ATP9A: variants seen among roughly 807,000 people sequenced by gnomAD.
ATP9A encodes ATPase phospholipid transporting 9A.
In ATP9A, 52 loss-of-function variants were observed where a neutral mutation model predicts 144.1. The ratio of observed to expected loss-of-function variants is 0.36; its 90% CI spans 0.29 to 0.45. The LOEUF is 0.45. Ranked by LOEUF, ATP9A falls within the 20% of genes least tolerant of loss-of-function variation. The pLI is 1.00. For synonymous variants in ATP9A, 582 were observed against 557.4 expected, an observed-to-expected ratio of 1.04 and a Z score of -0.62; for missense variants, 947 against 1,392.7, an observed-to-expected ratio of 0.68 and a Z score of 5.09.
intron 4 of ATP9A, among the ~76,000 whole-genome samples, chr20:51,707,212 T>G (rs1340788400): frequency 2.6e-5 from 4 of 152,150 alleles, no homozygotes; most frequent in African/African-American, 7.2e-5. Flanking sequence ...TTGAGATTCT[T>G]AATAATTTCT....
At chr20:51,608,759 T>TG (rs1254026058) in intron 24 of ATP9A, 133 bp from the exon 25 acceptor site, 3 of 645,778 alleles carry the variant, frequency 4.6e-6, no homozygotes, top group African/African-American at 1.8e-5. Flanking sequence ...GCTCCGGGGC[T>TG]GGCTGTAAGC....
intron 1 of ATP9A, among the ~76,000 whole-genome samples, chr20:51,749,730 G>C (rs2077823556): frequency 6.6e-6 from 1 of 152,112 alleles, no homozygotes; most frequent in Non-Finnish European, 1.5e-5. Context: ...TGGCTGCCTG[G>C]GGAAGGGTAC....
chr20:51,685,241 CAT>C (rs1287862118), intron 9 of ATP9A, among the ~76,000 whole-genome samples: 2 of 152,060 alleles, frequency 1.3e-5, no homozygotes, highest in East Asian at 3.9e-4. Flanking sequence ...TGAATCGAAA[CAT>C]AAAATGTATA....
chr20:51,750,306 C>T (rs2077825935), intron 1 of ATP9A, among the ~76,000 whole-genome samples: 1 of 152,170 alleles, frequency 6.6e-6, no homozygotes, highest in African/African-American at 2.4e-5. Flanking sequence ...CACAAACGTG[C>T]TCCGTCACTA....
At chr20:51,724,151 A>G (rs1004842071) in intron 3 of ATP9A, among the ~76,000 whole-genome samples, 3 of 152,036 alleles carry the variant, frequency 2.0e-5, no homozygotes, top group African/African-American at 7.3e-5. Flanking sequence ...AACCTGGGCA[A>G]TAAGAGCGAA....
chr20:51,687,763 CA>C (rs201342511), intron 9 of ATP9A, among the ~76,000 whole-genome samples: 34,772 of 129,750 alleles, frequency 0.27, 4,770 homozygotes, highest in East Asian at 0.53. Context: ...GACCCTGTCT[CA>C]AAAAAAAAAA....
At chr20:51,697,657 C>T (rs1478137605) in intron 4 of ATP9A, among the ~76,000 whole-genome samples, 175 bp from the exon 5 acceptor site, 2 of 152,150 alleles carry the variant, frequency 1.3e-5, no homozygotes, top group African/African-American at 4.8e-5. Flanking sequence ...AGGGTTCAAC[C>T]GCTACAGAGG....
Position 51,601,108 on chromosome 20 carries a change from C to T in ATP9A, c.*103G>A, listed in dbSNP as rs1403176963. 1.4e-6 allele frequency: 2 copies of T among 1,383,540 alleles called. No individual in the cohort carries two copies. The highest frequency in any genetic ancestry group is 1.9e-6 in the Non-Finnish European group (2 of 1,029,292). 85.7% of individuals were successfully genotyped at this position (1,383,540 alleles called of 1,614,324 possible). A position where few individuals can be genotyped will look rare whatever the true frequency, so the allele number is the denominator to read the frequency against. Reference sequence around the variant, plus strand: ...TTCCCATTAAAACTGCATGTGTTAGCAATTACTGCAAAATCCACAGGTGGC... The same window carrying T: ...TTCCCATTAAAACTGCATGTGTTAGTAATTACTGCAAAATCCACAGGTGGC... On this transcript the variant is annotated 3_prime_UTR_variant, in exon 28 of 28. Coordinates refer to ENST00000338821, the MANE Select transcript of ATP9A (RefSeq NM_006045.3).
intron 9 of ATP9A, among the ~76,000 whole-genome samples, chr20:51,683,304 G>A (rs1181318324): frequency 3.3e-5 from 5 of 151,632 alleles, no homozygotes; most frequent in African/African-American, 7.3e-5. Flanking sequence ...TCGCTCTGTC[G>A]CCCAGGCTGG....
Position 51,639,400 on chromosome 20 carries a change from G to A in ATP9A, c.1611C>T (p.Thr537=). ...AGGTGAAAGGGAAGATCTGTAGGATGGTGAAGTTCAGGATCTGGTCGCCAG... is the reference window on the plus strand; with the variant it reads ...AGGTGAAAGGGAAGATCTGTAGGATAGTGAAGTTCAGGATCTGGTCGCCAG... ...RTPGDQILNF[T]ILQIFPFTYE... The change falls in exon 15 of 28, where the codon ACC becomes ACT. Residue 537 remains threonine (T), a synonymous_variant. Coordinates refer to ENST00000338821, the MANE Select transcript of ATP9A (RefSeq NM_006045.3). The A allele has an allele frequency of 6.2e-7, 1 of 1,614,106 alleles. No individual in the cohort carries two copies. The highest frequency in any genetic ancestry group is 8.5e-7 in the Non-Finnish European group (1 of 1,179,994).
chr20:51,673,384 A>G (rs2077464230), intron 11 of ATP9A, among the ~76,000 whole-genome samples: 1 of 152,136 alleles, frequency 6.6e-6, no homozygotes, highest in African/African-American at 2.4e-5. Flanking sequence ...AAAAATAAAT[A>G]AATAAATAAA....
chr20:51,687,567 C>A (rs918710168), intron 9 of ATP9A, among the ~76,000 whole-genome samples: 1 of 152,090 alleles, frequency 6.6e-6, no homozygotes, highest in Non-Finnish European at 1.5e-5. Flanking sequence ...AGTTTGAGAC[C>A]AGCCTGGGCA....
chr20:51,658,824 C>G (rs908264142), intron 13 of ATP9A, among the ~76,000 whole-genome samples: 6 of 139,468 alleles, frequency 4.3e-5, no homozygotes, highest in Non-Finnish European at 9.0e-5. Context: ...CCGACCCCCA[C>G]CTAGGCTTCC....
At position 51,768,385 on chromosome 20, in the gene ATP9A, C is replaced by T; in HGVS notation, c.-16G>A. 1 of 1,126,424 alleles carries T rather than the reference C, an allele frequency of 8.9e-7. No homozygotes were observed. The highest frequency in any genetic ancestry group is 1.1e-6 in the Non-Finnish European group (1 of 919,910). The allele number at this position is 1,126,424 out of a possible 1,614,324, so 69.8% of individuals were successfully genotyped here. A position where few individuals can be genotyped will look rare whatever the true frequency, so the allele number is the denominator to read the frequency against. On this transcript the variant is annotated 5_prime_UTR_variant, in exon 1 of 28. Coordinates refer to ENST00000338821, the MANE Select transcript of ATP9A (RefSeq NM_006045.3). ...TGTCCGTCATGTCGGCGGCGCCGCC[C>T]GCCTTGGCCGCCGCGCCCCCCGCGC...
intron 11 of ATP9A, among the ~76,000 whole-genome samples, chr20:51,672,783 A>G (rs2077461515): frequency 6.6e-6 from 1 of 152,184 alleles, no homozygotes; most frequent in Non-Finnish European, 1.5e-5. Flanking sequence ...ACAGAACAAT[A>G]TGGGGGAAAG....
intron 12 of ATP9A, 119 bp downstream of exon 12, chr20:51,670,996 A>G: frequency 2.7e-6 from 3 of 1,119,814 alleles, no homozygotes; most frequent in Non-Finnish European, 3.8e-6. Flanking sequence ...GATGAAGGGA[A>G]TAAAATAGCA....
chr20:51,655,881 G>A (rs765458000), intron 14 of ATP9A, among the ~76,000 whole-genome samples: 27 of 151,886 alleles, frequency 1.8e-4, no homozygotes, highest in Non-Finnish European at 2.8e-4. Context: ...AAATCCAAAT[G>A]TGCATTAATT....
intron 1 of ATP9A, among the ~76,000 whole-genome samples, chr20:51,751,744 C>A (rs1012433110): frequency 6.6e-6 from 1 of 152,128 alleles, no homozygotes; most frequent in South Asian, 2.1e-4. Flanking sequence ...CCCACCACCA[C>A]GCCCGGCTAA....
intron 13 of ATP9A, among the ~76,000 whole-genome samples, chr20:51,665,773 C>T (rs737117): frequency 0.49 from 73,993 of 151,028 alleles, 18,825 homozygotes; most frequent in East Asian, 0.79. Flanking sequence ...AGGGGAAAAA[C>T]CATCACAAGT....
Sources: gnomAD v4.1 joint callset for allele counts (sites outside exome capture counted in the v4.1 genomes callset) on GRCh38, gnomAD v4.1.1 for gene constraint, MANE v1.5 for transcripts, NCBI Gene and HGNC (gene_info 2026-07-23, HGNC 2026-07-21) for gene names.